ABCA3: variants seen among roughly 807,000 people sequenced by gnomAD.
The protein encoded by ABCA3 is ATP binding cassette subfamily A member 3, also known as phospholipid-transporting ATPase ABCA3.
A neutral mutation model predicts 172.8 loss-of-function variants in ABCA3; 88 were observed. The ratio of observed to expected loss-of-function variants is 0.51; its 90% CI spans 0.43 to 0.61. ABCA3 has a LOEUF of 0.61. Among genes scored for constraint, ABCA3 ranks in the 20% least tolerant of loss-of-function variants. The pLI is 0.00. For synonymous variants in ABCA3, 1,066 were observed against 983.8 expected (o/e 1.08, Z -1.56); for missense variants, 2,164 against 2,301.0 (o/e 0.94, Z 1.22).
Position 2,297,666 on chromosome 16 carries a change from TG to T in ABCA3, c.2052+99del, listed in dbSNP as rs2141707481. 6.3e-7 allele frequency: 1 copy of T among 1,591,954 alleles called. No individual in the cohort carries two copies. The highest frequency in any genetic ancestry group is 2.2e-5 in the East Asian group (1 of 44,614). Reference sequence around the variant, plus strand: ...AGTCCTCCAAGGATGGTGATGGCCTTGTCTGGGGTGTCAAGGGCCAAGGTGC... The same window carrying T: ...AGTCCTCCAAGGATGGTGATGGCCTTTCTGGGGTGTCAAGGGCCAAGGTGC... On this transcript the variant is annotated intron_variant, in intron 16 of 32. Transcript: ENST00000301732. The surrounding 1 kb of genome is among the most constrained non-coding windows in gnomAD (Gnocchi z 5.6).
At position 2,284,812 on chromosome 16, in the gene ABCA3, T is replaced by C; in HGVS notation, c.3670A>G (p.Thr1224Ala). The C allele has an allele frequency of 6.2e-7, 1 of 1,613,658 alleles. No individual in the cohort carries two copies. The highest frequency in any genetic ancestry group is 8.5e-7 in the Non-Finnish European group (1 of 1,179,912). Residue 1224 changes from threonine (T) to alanine (A), a missense_variant, in exon 24 of 33, where the codon ACC becomes GCC. This residue lies in a region of ABCA3 where 795 missense variants were observed against 881.9 expected (regional missense o/e 0.90). Coordinates refer to ENST00000301732, the MANE Select transcript of ABCA3 (RefSeq NM_001089.3). This position sits in a 1 kb window ranked among gnomAD's most constrained non-coding sequence, Gnocchi z 5.9. ...CGCATGATGGTGACCATCAGGAAGGTGGCGATGCCTGACAGGATGTTGAAG... is the reference window on the plus strand; with the variant it reads ...CGCATGATGGTGACCATCAGGAAGGCGGCGATGCCTGACAGGATGTTGAAG... ...TIFNILSGIA[T>A]FLMVTIMRIP...
intron 11 of ABCA3, among the ~76,000 whole-genome samples, chr16:2,307,472 T>G (rs1039023008): frequency 1.3e-5 from 2 of 151,986 alleles, no homozygotes; most frequent in African/African-American, 2.4e-5. Context: ...GGAGGATCAC[T>G]TGAACCCAGA....
chr16:2,285,336 C>G lies in ABCA3; in HGVS notation c.3483+106G>C. 7.2e-7 allele frequency: 1 copy of G among 1,381,474 alleles called. No individual in the cohort carries two copies. Among genetic ancestry groups the G allele is most frequent in the Non-Finnish European group, 1.0e-6 (1 of 1,002,960 alleles). The allele number at this position is 1,381,474 out of a possible 1,614,324, so 85.6% of individuals were successfully genotyped here. On this transcript the variant is annotated intron_variant, in intron 23 of 32. Transcript: ENST00000301732. This position sits in a 1 kb window ranked among gnomAD's most constrained non-coding sequence, Gnocchi z 4.7. ...GCTGTCCTCCCTGAGTCGGGCCGAG[C>G]TGCCGGCCTAGGGGCTGCCCAGCTG...
chr16:2,323,757 T>C (rs2093729810), intron 6 of ABCA3, 69 bp from the exon 7 acceptor site: 1 of 1,584,372 alleles, frequency 6.3e-7, no homozygotes, highest in Non-Finnish European at 8.7e-7. Context: ...CAGGGTGGAG[T>C]GGGAGAGCGC....
chr16:2,331,731 C>G (rs1354508154), intron 1 of ABCA3, among the ~76,000 whole-genome samples: 1 of 152,240 alleles, frequency 6.6e-6, no homozygotes, highest in East Asian at 1.9e-4. Flanking sequence ...GCGGCAGAGT[C>G]TCCAGAAGTG....
At chr16:2,324,364 C>T (rs2093730820) in intron 6 of ABCA3, 40 bp downstream of exon 6, 1 of 1,558,192 alleles carries the variant, frequency 6.4e-7, no homozygotes, top group Non-Finnish European at 8.6e-7. Flanking sequence ...GGAGGCCTTG[C>T]TGATGGGCTG....
At chr16:2,319,937 G>A in intron 7 of ABCA3, 97 bp from the exon 8 acceptor site, 2 of 1,543,218 alleles carry the variant, frequency 1.3e-6, no homozygotes, top group South Asian at 2.3e-5. Flanking sequence ...AGAGATGCTT[G>A]GGGCAACAGA....
chr16:2,289,340 GC>G (rs2093668139), intron 20 of ABCA3, 93 bp downstream of exon 20: 2 of 1,460,494 alleles, frequency 1.4e-6, no homozygotes, highest in Non-Finnish European at 1.8e-6. Flanking sequence ...CCCTGTTTGC[GC>G]CCTCGCAGAC....
intron 8 of ABCA3, among the ~76,000 whole-genome samples, chr16:2,318,023 C>T (rs1824567765): frequency 6.6e-6 from 1 of 152,240 alleles, no homozygotes; most frequent in Admixed American, 6.5e-5. Context: ...AGCGATTCCA[C>T]ACTCCCAGTG....
intron 17 of ABCA3, among the ~76,000 whole-genome samples, chr16:2,296,990 C>G (rs565462982): frequency 6.6e-6 from 1 of 152,192 alleles, no homozygotes; most frequent in African/African-American, 2.4e-5. Flanking sequence ...TGGCCCTGGC[C>G]ATGCTGTGAG....
Position 2,278,131 on chromosome 16 carries a change from G to A in ABCA3, c.4719-62C>T, listed in dbSNP as rs2093649454. The A allele has an allele frequency of 3.1e-6, 5 of 1,607,914 alleles. No individual in the cohort carries two copies. The highest frequency in any genetic ancestry group is 4.2e-6 in the Non-Finnish European group (5 of 1,177,638). On this transcript the variant is annotated intron_variant, in intron 30 of 32. Coordinates refer to ENST00000301732, the MANE Select transcript of ABCA3 (RefSeq NM_001089.3). The surrounding 1 kb of genome is among the most constrained non-coding windows in gnomAD (Gnocchi z 4.4). The stretch of plus-strand genomic sequence containing the variant: ...TGCCAAAGGCTTGTGCAGACAGGAA[G>A]GCATTGGCTCTCCGATCAGGCTGTT...
rs148780137 is a variant in ABCA3, at chr16:2,297,830, C to T, written c.1988G>A (p.Arg663His). Residue 663 changes from arginine (R) to histidine (H), a missense_variant, in exon 16 of 33, where the codon CGC becomes CAC. By Grantham distance (29) the Arg-to-His change is conservative (BLOSUM62 0). Coordinates refer to ENST00000301732, the MANE Select transcript of ABCA3 (RefSeq NM_001089.3). The surrounding 1 kb of genome is among the most constrained non-coding windows in gnomAD (Gnocchi z 5.6). ...GLEDKWNSRS[R>H]FLSGGMRRKL... ...GCGCCTCATGCCCCCGCTCAGGAAG[C>T]GGCTCCGTGAGTTCCACTTGTCCTC... 2.0e-5 allele frequency: 33 copies of T among 1,613,574 alleles called. No individual in the cohort carries two copies. The highest frequency in any genetic ancestry group is 3.3e-5 in the South Asian group (3 of 91,086).
intron 6 of ABCA3, among the ~76,000 whole-genome samples, chr16:2,324,158 C>G (rs1372517359): frequency 6.6e-6 from 1 of 152,190 alleles, no homozygotes; most frequent in African/African-American, 2.4e-5. Flanking sequence ...CAGAAAGGAG[C>G]TTGGGGCGGC....
In ABCA3 at chr16:2,276,632, G is replaced by C; in HGVS notation, c.*42C>G. 1 of 1,606,942 alleles carries C rather than the reference G, an allele frequency of 6.2e-7. No homozygotes were observed. Among genetic ancestry groups the C allele is most frequent in the South Asian group, 1.1e-5 (1 of 90,980 alleles). ...AGAGGATGTAAGATGGGCCCTGCTT[G>C]CCCGTCCTGTCCCTGCCTGATGGCG... On this transcript the variant is annotated 3_prime_UTR_variant, in exon 33 of 33. Transcript: ENST00000301732.
intron 1 of ABCA3, among the ~76,000 whole-genome samples, chr16:2,340,303 C>T (rs2093758694): frequency 6.6e-6 from 1 of 152,030 alleles, no homozygotes; most frequent in African/African-American, 2.4e-5. Context: ...GCACTGCCCG[C>T]AGTGCGGGAC....
In ABCA3 at chr16:2,297,261, G is replaced by A; in HGVS notation, c.2263+68C>T. The A allele has an allele frequency of 6.5e-7, 1 of 1,550,246 alleles. No homozygotes were observed. Among genetic ancestry groups the A allele is most frequent in the Non-Finnish European group, 8.8e-7 (1 of 1,136,916 alleles). On this transcript the variant is annotated intron_variant, in intron 17 of 32. Transcript: ENST00000301732. The surrounding 1 kb of genome is among the most constrained non-coding windows in gnomAD (Gnocchi z 5.6). ...CCTGATCTGAGGGCCCTTCATGAAG[G>A]TAGCAGCCATTCCCTCAGCACGGCA... is the stretch of plus-strand genomic sequence containing the variant.
intron 10 of ABCA3, among the ~76,000 whole-genome samples, chr16:2,313,553 A>G: frequency 1.2e-5 from 1 of 84,368 alleles, no homozygotes; most frequent in African/African-American, 4.8e-5. Context: ...ACTCTGTCAC[A>G]AAAAAAAAAA....
At chr16:2,303,929 CAG>C (rs1567345651) in intron 12 of ABCA3, 38 bp downstream of exon 12, 1 of 1,612,920 alleles carries the variant, frequency 6.2e-7, no homozygotes, top group East Asian at 2.2e-5. Flanking sequence ...CCTCTGCACT[CAG>C]AGAGGCGGCG....
At chr16:2,303,029 C>T (rs2093691940) in intron 12 of ABCA3, among the ~76,000 whole-genome samples, 1 of 151,846 alleles carries the variant, frequency 6.6e-6, no homozygotes, top group Non-Finnish European at 1.5e-5. Flanking sequence ...AAACTTCTGA[C>T]CTCAGGTGAT....
Sources: gnomAD v4.1 joint callset for allele counts (sites outside exome capture counted in the v4.1 genomes callset) on GRCh38, gnomAD v4.1.1 for gene constraint, gnomAD v4.1.1 regional missense constraint, Gnocchi (gnomAD v3.1) non-coding constraint, MANE v1.5 for transcripts, NCBI Gene and HGNC (gene_info 2026-07-23, HGNC 2026-07-21) for gene names.